LRRC20: variants seen among roughly 807,000 people sequenced by gnomAD.
LRRC20 encodes leucine-rich repeat-containing protein 20.
LRRC20 carries 11 observed loss-of-function variants against 14.4 expected under a neutral mutation model. That is an observed-to-expected ratio of 0.77 (90% CI 0.48 to 1.27). The LOEUF is 1.27. Ranked by LOEUF, LRRC20 falls within the 50% of genes most tolerant of loss-of-function variation. The probability of loss-of-function intolerance (pLI) is 0.00; values close to 1 mark genes in which losing one functional copy is unlikely to be tolerated. For synonymous variants in LRRC20, 121 were observed against 107.3 expected, an observed-to-expected ratio of 1.13 and a Z score of -0.79; for missense variants, 219 against 251.2, an observed-to-expected ratio of 0.87 and a Z score of 0.87.
chr10:70,351,949 T>G (rs975508444), intron 2 of LRRC20, among the ~76,000 whole-genome samples: 15 of 152,226 alleles, frequency 9.9e-5, no homozygotes, highest in African/African-American at 3.6e-4. Flanking sequence ...TCATCTAGGA[T>G]GTAACAGTGA....
In LRRC20 at chr10:70,355,416, G is replaced by C. The variant is rs142038954; in HGVS notation, c.83-14714C>G. ...TGTTTCCTGTCTCATGCCCCTTATA[G>C]AGAAAAGGGCATGGGAGGAAGAGCT... On this transcript the variant is annotated intron_variant, in intron 2 of 4. Coordinates refer to ENST00000446961, the MANE Select transcript of LRRC20 (RefSeq NM_001278212.2). 2.5e-3 allele frequency among the ~76,000 whole-genome samples: 374 copies of C among 152,202 alleles called. 1 individual carries two copies. The highest frequency in any genetic ancestry group is 4.6e-3 in the Non-Finnish European group (316 of 68,008).
Position 70,336,054 on chromosome 10 carries a change from G to C in LRRC20, c.232+4499C>G, listed in dbSNP as rs370594898. Reference sequence around the variant, plus strand: ...GATCAGCAAGATGAGGGGCTCCTCCGGGGCCACGTCCAGTTCTCAGTTTTC... The same window carrying C: ...GATCAGCAAGATGAGGGGCTCCTCCCGGGCCACGTCCAGTTCTCAGTTTTC... On this transcript the variant is annotated intron_variant, in intron 3 of 4. Transcript: ENST00000446961. Among the ~76,000 whole-genome samples the C allele has an allele frequency of 1.3e-5, 2 of 152,166 alleles. 1 individual carries two copies.
chr10:70,334,434 C>T (rs1037633558), intron 3 of LRRC20, among the ~76,000 whole-genome samples: 17 of 152,148 alleles, frequency 1.1e-4, no homozygotes, highest in Non-Finnish European at 2.2e-4. Context: ...CCTTGCTCCC[C>T]GGGTTTGGAA....
chr10:70,323,265 A>C (rs748414311), intron 4 of LRRC20, among the ~76,000 whole-genome samples: 29 of 151,980 alleles, frequency 1.9e-4, no homozygotes, highest in Non-Finnish European at 3.2e-4. Context: ...GGAGACACAT[A>C]ATCGCTGCAA....
chr10:70,310,621 G>A (rs1159576468), intron 4 of LRRC20, among the ~76,000 whole-genome samples: 2 of 152,160 alleles, frequency 1.3e-5, no homozygotes, highest in African/African-American at 2.4e-5. Flanking sequence ...CAGTGCTCAC[G>A]GGTGCTCCAT....
At chr10:70,376,320 A>G (rs533374770) in intron 2 of LRRC20, 132 bp downstream of exon 2, 6 of 884,292 alleles carry the variant, frequency 6.8e-6, no homozygotes, top group Admixed American at 6.3e-5. Context: ...TGTTGCAATG[A>G]AAGTTCCACA....
At chr10:70,314,539 G>GGGAACTACATTGAGA (rs1277091017) in intron 4 of LRRC20, among the ~76,000 whole-genome samples, 2 of 152,064 alleles carry the variant, frequency 1.3e-5, no homozygotes, top group Non-Finnish European at 2.9e-5. Context: ...GAAACCATTG[G>GGGAACTACATTGAGA]GCAACTACAT....
At chr10:70,379,006 G>A (rs1390503904) in intron 1 of LRRC20, among the ~76,000 whole-genome samples, 2 of 152,028 alleles carry the variant, frequency 1.3e-5, no homozygotes, top group East Asian at 3.9e-4. Context: ...GGGCAGCTTG[G>A]GGCCAGGGAA....
At chr10:70,325,215 C>T (rs1187361767) in intron 3 of LRRC20, among the ~76,000 whole-genome samples, 2 of 152,200 alleles carry the variant, frequency 1.3e-5, no homozygotes, top group Non-Finnish European at 2.9e-5. Flanking sequence ...AAGGGCCCCG[C>T]ACTTGGGGTG....
At chr10:70,368,919 G>A (rs1361562404) in intron 2 of LRRC20, among the ~76,000 whole-genome samples, 4 of 151,988 alleles carry the variant, frequency 2.6e-5, no homozygotes, top group Non-Finnish European at 4.4e-5. Flanking sequence ...TACCGTGCCC[G>A]GCCTGAATCT....
intron 4 of LRRC20, among the ~76,000 whole-genome samples, chr10:70,319,345 C>T (rs190523611): frequency 2.2e-3 from 338 of 152,266 alleles, no homozygotes; most frequent in African/African-American, 7.6e-3. Context: ...CACCAAGTAC[C>T]GGTGAGCACG....
intron 2 of LRRC20, among the ~76,000 whole-genome samples, chr10:70,366,928 G>A (rs976398497): frequency 6.6e-6 from 1 of 152,122 alleles, no homozygotes; most frequent in Non-Finnish European, 1.5e-5. Context: ...GAGTATCCTT[G>A]AATATTGGTA....
intron 4 of LRRC20, 120 bp from the exon 5 acceptor site, chr10:70,301,628 G>T: frequency 8.2e-7 from 1 of 1,225,362 alleles, no homozygotes; most frequent in Non-Finnish European, 1.1e-6. Flanking sequence ...ATTGCCCACT[G>T]CACGTGGGCT....
rs1180364683 is a variant in LRRC20, at chr10:70,299,372, CTG to C, written c.*1980_*1981del. ...ATCCCTGGAAGTGGCAGGGAGAGAACTGAGAGAAACTTCACCCTCTGCTCGGA... is the reference window on the plus strand; with the variant it reads ...ATCCCTGGAAGTGGCAGGGAGAGAACAGAGAAACTTCACCCTCTGCTCGGA... On this transcript the variant is annotated 3_prime_UTR_variant, in exon 5 of 5. Coordinates refer to ENST00000446961, the MANE Select transcript of LRRC20 (RefSeq NM_001278212.2). 2.6e-5 allele frequency: 4 copies of C among 152,300 alleles called. No homozygotes were observed. The highest frequency in any genetic ancestry group is 9.7e-5 in the African/African-American group (4 of 41,444). The allele number at this position is 152,300 out of a possible 1,614,324, so 9.4% of individuals were successfully genotyped here. A position where few individuals can be genotyped will look rare whatever the true frequency, so the allele number is the denominator to read the frequency against.
chr10:70,341,417 G>A (rs1842908189), intron 2 of LRRC20, among the ~76,000 whole-genome samples: 1 of 152,208 alleles, frequency 6.6e-6, no homozygotes, highest in Non-Finnish European at 1.5e-5. Flanking sequence ...CACCAACTGG[G>A]GACTGGATCA....
chr10:70,348,673 C>T (rs976180150), intron 2 of LRRC20, among the ~76,000 whole-genome samples: 1 of 152,168 alleles, frequency 6.6e-6, no homozygotes, highest in African/African-American at 2.4e-5. Context: ...AGGTGCCTGG[C>T]TCTAGGCCAG....
At chr10:70,343,664 C>A (rs1278755866) in intron 2 of LRRC20, among the ~76,000 whole-genome samples, 1 of 152,204 alleles carries the variant, frequency 6.6e-6, no homozygotes, top group Admixed American at 6.5e-5. Context: ...CCTGGGGATT[C>A]TAAAAAGAGT....
chr10:70,336,925 A>T (rs1842740074), intron 3 of LRRC20, among the ~76,000 whole-genome samples: 1 of 152,248 alleles, frequency 6.6e-6, no homozygotes, highest in South Asian at 2.1e-4. Flanking sequence ...CCACAGCAGG[A>T]CATGGGGACC....
intron 3 of LRRC20, among the ~76,000 whole-genome samples, chr10:70,329,561 C>CTTT (rs375932907): frequency 1.6e-5 from 2 of 124,908 alleles, no homozygotes; most frequent in Non-Finnish European, 3.4e-5. Context: ...CTTCTTTTGC[C>CTTT]TTTTTTTTTT....
Sources: allele counts gnomAD v4.1 joint callset (sites outside exome capture counted in the v4.1 genomes callset), GRCh38; gene constraint gnomAD v4.1.1; transcripts MANE v1.5; gene names NCBI Gene and HGNC (gene_info 2026-07-23, HGNC 2026-07-21).